WWTR1: variants seen among roughly 807,000 people sequenced by gnomAD.
The protein encoded by WWTR1 is WW domain-containing transcription regulator protein 1.
WWTR1 carries 13 observed loss-of-function variants against 40.1 expected under a neutral mutation model. The ratio of observed to expected loss-of-function variants is 0.32; its 90% CI spans 0.21 to 0.52. The LOEUF (loss-of-function observed/expected upper bound fraction) is 0.52. Among genes scored for constraint, WWTR1 ranks in the 20% least tolerant of loss-of-function variants. WWTR1 has a pLI of 0.97. For synonymous variants in WWTR1, 230 were observed against 210.1 expected (o/e 1.09, Z -0.82); for missense variants, 436 against 523.1 (o/e 0.83, Z 1.63).
At chr3:149,530,269 T>C (rs9289792) in intron 4 of WWTR1, among the ~76,000 whole-genome samples, 118,892 of 151,556 alleles carry the variant, frequency 0.78, 46,798 homozygotes, top group East Asian at 0.93. Context: ...ATCACTTGAA[T>C]TTGGGGAGGC....
chr3:149,537,788 A>T (rs551051064), intron 4 of WWTR1, among the ~76,000 whole-genome samples: 1 of 152,152 alleles, frequency 6.6e-6, no homozygotes, highest in African/African-American at 2.4e-5. Flanking sequence ...CTGTCCCCAT[A>T]GTTTTGCTTT....
At chr3:149,567,814 T>C (rs1296256630) in intron 3 of WWTR1, among the ~76,000 whole-genome samples, 1 of 152,160 alleles carries the variant, frequency 6.6e-6, no homozygotes, top group African/African-American at 2.4e-5. Context: ...AATAACCCAA[T>C]ACATAAACGT....
chr3:149,709,854 A>T (rs944906999), intron 5 of WWTR1, among the ~76,000 whole-genome samples: 14 of 152,136 alleles, frequency 9.2e-5, no homozygotes, highest in Non-Finnish European at 1.8e-4. Flanking sequence ...CAGTGAGCTG[A>T]GATCATGCCA....
chr3:149,604,470 C>G (rs1013844269), intron 2 of WWTR1, among the ~76,000 whole-genome samples: 1 of 152,210 alleles, frequency 6.6e-6, no homozygotes, highest in Non-Finnish European at 1.5e-5. Flanking sequence ...AGGGTTCTAT[C>G]TCAAATTTTA....
At chr3:149,525,800 G>T in intron 6 of WWTR1, 1 of 327,392 alleles carries the variant, frequency 3.1e-6, no homozygotes, top group Non-Finnish European at 5.5e-6. Context: ...ACAAACTATT[G>T]GGTACTATGC....
intron 1 of WWTR1, among the ~76,000 whole-genome samples, chr3:149,675,183 G>C (rs192331985): frequency 6.6e-6 from 1 of 152,282 alleles, no homozygotes; most frequent in East Asian, 1.9e-4. Context: ...ACTATCCCTG[G>C]CTCAGGGCCA....
chr3:149,571,373 A>G (rs1687181727), intron 3 of WWTR1, among the ~76,000 whole-genome samples: 2 of 151,936 alleles, frequency 1.3e-5, no homozygotes, highest in South Asian at 4.1e-4. Flanking sequence ...GTCTAATGCC[A>G]CCTAATTTGG....
intron 4 of WWTR1, among the ~76,000 whole-genome samples, chr3:149,530,972 TCAGC>T (rs1735548751): frequency 2.0e-5 from 3 of 151,598 alleles, no homozygotes; most frequent in Non-Finnish European, 4.4e-5. Flanking sequence ...TCTCACTCTC[TCAGC>T]CAGGCTGGAG....
At chr3:149,619,829 G>A (rs998114575) in intron 2 of WWTR1, among the ~76,000 whole-genome samples, 1 of 152,164 alleles carries the variant, frequency 6.6e-6, no homozygotes, top group Non-Finnish European at 1.5e-5. Flanking sequence ...TTCTTGGGTT[G>A]CTGGTTAATC....
intron 3 of WWTR1, among the ~76,000 whole-genome samples, chr3:149,556,597 A>C (rs963622982): frequency 6.6e-6 from 1 of 151,994 alleles, no homozygotes; most frequent in Non-Finnish European, 1.5e-5. Flanking sequence ...ACAAACAAAC[A>C]AACCATGAAG....
At chr3:149,616,578 G>T (rs994938363) in intron 2 of WWTR1, among the ~76,000 whole-genome samples, 8 of 151,300 alleles carry the variant, frequency 5.3e-5, no homozygotes, top group African/African-American at 1.9e-4. Context: ...GAGTAGCTGG[G>T]ATTACAGGGA....
chr3:149,654,656 C>T (rs190484999), intron 2 of WWTR1, among the ~76,000 whole-genome samples: 350 of 151,270 alleles, frequency 2.3e-3, no homozygotes, highest in African/African-American at 8.3e-3. Context: ...TCATTCAAAA[C>T]ACAATGTATA....
chr3:149,531,095 C>T (rs1735555367), intron 4 of WWTR1, among the ~76,000 whole-genome samples: 2 of 152,146 alleles, frequency 1.3e-5, no homozygotes, highest in Admixed American at 1.3e-4. Flanking sequence ...CCACCACGCC[C>T]AGCTAATTTT....
chr3:149,567,809 C>G (rs1172449489), intron 3 of WWTR1, among the ~76,000 whole-genome samples: 2 of 152,116 alleles, frequency 1.3e-5, no homozygotes, highest in East Asian at 1.9e-4. Flanking sequence ...GGTTAAATAA[C>G]CCAATACATA....
intron 1 of WWTR1, among the ~76,000 whole-genome samples, chr3:149,687,060 T>C (rs1023273946): frequency 2.6e-5 from 4 of 152,224 alleles, no homozygotes; most frequent in Non-Finnish European, 2.9e-5. Context: ...ACTTTTATTG[T>C]TGCCTCTAGG....
chr3:149,723,166 G>C (rs1360274183), intron 4 of WWTR1, among the ~76,000 whole-genome samples: 2 of 144,496 alleles, frequency 1.4e-5, no homozygotes, highest in Non-Finnish European at 3.0e-5. Context: ...CTTTTGGTTT[G>C]CTGGTTTTCT....
intron 4 of WWTR1, among the ~76,000 whole-genome samples, chr3:149,529,299 T>G (rs1735464645): frequency 6.6e-6 from 1 of 152,192 alleles, no homozygotes; most frequent in African/African-American, 2.4e-5. Flanking sequence ...TAACATGATG[T>G]GACTTTAGAG....
At chr3:149,685,576 A>G (rs994212970) in intron 1 of WWTR1, among the ~76,000 whole-genome samples, 1 of 152,208 alleles carries the variant, frequency 6.6e-6, no homozygotes, top group Non-Finnish European at 1.5e-5. Context: ...CCTGGTAAAT[A>G]GAGCCCTGGA....
intron 3 of WWTR1, among the ~76,000 whole-genome samples, chr3:149,566,454 T>C (rs777281914): frequency 3.3e-5 from 5 of 152,138 alleles, no homozygotes; most frequent in Non-Finnish European, 7.3e-5. Flanking sequence ...TTTAGGCTAA[T>C]CTATGCTGCA....
Sources: gnomAD v4.1 joint callset for allele counts (sites outside exome capture counted in the v4.1 genomes callset) on GRCh38, gnomAD v4.1.1 for gene constraint, MANE v1.5 for transcripts, NCBI Gene and HGNC (gene_info 2026-07-23, HGNC 2026-07-21) for gene names.